Variants in ARNT2 observed in about 807,000 individuals in gnomAD.
ARNT2 encodes the protein ARNT protein 2.
Under a neutral mutation model 91.7 loss-of-function variants are expected in ARNT2, and 36 were observed. The observed-to-expected ratio is 0.39, with a 90% CI of 0.30 to 0.52. The LOEUF (loss-of-function observed/expected upper bound fraction) is 0.52, where lower values mean the gene tolerates loss of function less well. ARNT2 is among the 20% of genes least tolerant of loss of function. The probability of loss-of-function intolerance (pLI) is 0.72; values close to 1 mark genes in which losing one functional copy is unlikely to be tolerated. For synonymous variants in ARNT2, 365 were observed against 347.1 expected (o/e 1.05, Z -0.57); for missense variants, 775 against 939.3 (o/e 0.83, Z 2.29).
rs150846443 is a variant in ARNT2 at position 80,459,138 on chromosome 15, C to T, written c.194+1162C>T. Among the ~76,000 whole-genome samples the T allele has an allele frequency of 3.2e-4, 48 of 152,336 alleles. No individual in the cohort carries two copies. In the East Asian group the frequency reaches 7.5e-3, roughly 24 times the overall value. On this transcript the variant is annotated intron_variant, in intron 3 of 18. Coordinates refer to ENST00000303329, the MANE Select transcript of ARNT2 (RefSeq NM_014862.4). ...AGAGTCTCCAAGTCCATAGTAAACT[C>T]GCATCATGCCATACACTTTCGTCCC...
chr15:80,455,062 G>T (rs889740272), intron 2 of ARNT2, among the ~76,000 whole-genome samples: 1 of 152,088 alleles, frequency 6.6e-6, no homozygotes, highest in Non-Finnish European at 1.5e-5. Flanking sequence ...ATAAAACAAA[G>T]GATGATTTAC....
rs990107224 is a variant in ARNT2 at position 80,580,683 on chromosome 15, C to A, written c.1752+134C>A. 7.5e-6 allele frequency: 9 copies of A among 1,204,200 alleles called. No individual in the cohort carries two copies. In the East Asian group the frequency reaches 2.0e-4, roughly 27 times the overall value. 74.6% of individuals were successfully genotyped at this position (1,204,200 alleles called of 1,614,324 possible). A position where few individuals can be genotyped will look rare whatever the true frequency, so the allele number is the denominator to read the frequency against. On this transcript the variant is annotated intron_variant, in intron 16 of 18. Transcript: ENST00000303329. ...AACCAACCACCCTAACAGCAGCTGGCTACTCAGGAGCACCATCCACCCTCA... is the reference window on the plus strand; with the variant it reads ...AACCAACCACCCTAACAGCAGCTGGATACTCAGGAGCACCATCCACCCTCA...
intron 2 of ARNT2, among the ~76,000 whole-genome samples, chr15:80,456,197 C>G (rs748542572): frequency 1.3e-5 from 2 of 152,136 alleles, no homozygotes; most frequent in African/African-American, 2.4e-5. Context: ...AGCTGCTGCC[C>G]GGTGCCTGGT....
chr15:80,469,743 T>G (rs1896707266), intron 3 of ARNT2, among the ~76,000 whole-genome samples: 2 of 152,154 alleles, frequency 1.3e-5, no homozygotes. Context: ...GCCTCCCAAG[T>G]AGCTGGGATT....
intron 18 of ARNT2, 74 bp from the exon 19 acceptor site, chr15:80,593,526 G>A (rs767332545): frequency 2.2e-4 from 271 of 1,252,542 alleles, no homozygotes; most frequent in Non-Finnish European, 2.9e-4. Context: ...GTGCAGACTG[G>A]GCTCCTGGGA....
At position 80,514,363 on chromosome 15, in the gene ARNT2, G is replaced by T; in HGVS notation, c.835G>T (p.Val279Leu). 6.2e-7 allele frequency: 1 copy of T among 1,614,192 alleles called. No homozygotes were observed. The highest frequency in any genetic ancestry group is 8.5e-7 in the Non-Finnish European group (1 of 1,180,034). ...GAAAGAAGGAGAAGCCCAATATGCT[G>T]TGGTCCACTGTACAGGATACATCAA... ...PVKEGEAQYA[V>L]VHCTGYIKAW... Residue 279 changes from valine (V) to leucine (L), a missense_variant, in exon 8 of 19, where the codon GTG (valine) becomes TTG (leucine). By Grantham distance (32) the Val-to-Leu change is conservative (BLOSUM62 1). Around this residue, in one of 5 missense-constraint regions of ARNT2, gnomAD observed 285 missense variants for 327.2 expected, o/e 0.87. Transcript: ENST00000303329.
In ARNT2 at chr15:80,475,221, C is replaced by A; in HGVS notation, c.620C>A (p.Thr207Lys). ...EQLCTSENSMTGRILDLKTGT... is the reference protein window; with the variant it reads ...EQLCTSENSMKGRILDLKTGT... ...CTGTGCACCTCAGAAAACTCAATGA[C>A]AGGTCAGTGGAGCTCCCTTTATGAG... The change falls in exon 5 of 19, where the codon ACA becomes AAA. Residue 207 changes from threonine to lysine, a missense_variant and splice_region_variant. Physicochemically the swap from Thr to Lys is moderately conservative, Grantham distance 78. Around this residue, in one of 5 missense-constraint regions of ARNT2, gnomAD observed 285 missense variants for 327.2 expected, o/e 0.87. Coordinates refer to ENST00000303329, the MANE Select transcript of ARNT2 (RefSeq NM_014862.4). The A allele has an allele frequency of 6.2e-7, 1 of 1,613,850 alleles. No homozygotes were observed. Among genetic ancestry groups the A allele is most frequent in the Non-Finnish European group, 8.5e-7 (1 of 1,180,004 alleles).
chr15:80,554,325 C>T (rs1250707343), intron 10 of ARNT2, among the ~76,000 whole-genome samples: 4 of 152,156 alleles, frequency 2.6e-5, no homozygotes, highest in Non-Finnish European at 4.4e-5. Flanking sequence ...AGGAGAATTG[C>T]TTGAACCCAG....
intron 17 of ARNT2, among the ~76,000 whole-genome samples, chr15:80,585,820 G>A (rs1323857362): frequency 1.1e-4 from 16 of 152,312 alleles, no homozygotes; most frequent in African/African-American, 3.1e-4. Context: ...TGCACACTGC[G>A]TTAGACACAC....
intron 8 of ARNT2, among the ~76,000 whole-genome samples, chr15:80,517,588 A>G (rs1897459616): frequency 6.8e-6 from 1 of 147,054 alleles, no homozygotes; most frequent in Non-Finnish European, 1.5e-5. Context: ...AATTACACAG[A>G]TATATCTTTT....
chr15:80,452,156 A>G (rs1326923297), intron 2 of ARNT2, among the ~76,000 whole-genome samples: 3 of 152,154 alleles, frequency 2.0e-5, no homozygotes, highest in Non-Finnish European at 4.4e-5. Context: ...AAAGACTGTT[A>G]TGTGTGTTGT....
intron 12 of ARNT2, among the ~76,000 whole-genome samples, chr15:80,568,121 T>A (rs7403201): frequency 0.84 from 127,522 of 152,156 alleles, 53,661 homozygotes; most frequent in East Asian, 0.98. Flanking sequence ...TCATCCTTGC[T>A]TTTTTTCCTG....
In ARNT2 at chr15:80,591,876, G is replaced by T. The variant is rs546444272; in HGVS notation, c.2055+172G>T. The T allele has an allele frequency of 6.3e-6, 4 of 639,756 alleles. No individual in the cohort carries two copies. Among genetic ancestry groups the T allele is most frequent in the Non-Finnish European group, 7.8e-6 (4 of 514,158 alleles). 39.6% of individuals were successfully genotyped at this position (639,756 alleles called of 1,614,324 possible). A position where few individuals can be genotyped will look rare whatever the true frequency, so the allele number is the denominator to read the frequency against. ...AGCCCCATCCTACCCAGCCAGAAAC[G>T]TCAGGTGCATGTGGGAAGGAGAAGG... On this transcript the variant is annotated intron_variant, in intron 18 of 18. Coordinates refer to ENST00000303329, the MANE Select transcript of ARNT2 (RefSeq NM_014862.4). This position sits in a 1 kb window ranked among gnomAD's most constrained non-coding sequence, Gnocchi z 5.1.
chr15:80,450,680 G>C (rs1896375039), intron 1 of ARNT2, among the ~76,000 whole-genome samples, 200 bp from the exon 2 acceptor site: 2 of 152,222 alleles, frequency 1.3e-5, no homozygotes, highest in African/African-American at 4.8e-5. Flanking sequence ...AAATATGAGA[G>C]TACTGCCAGA....
intron 2 of ARNT2, among the ~76,000 whole-genome samples, chr15:80,452,920 G>A (rs1896422132): frequency 6.6e-6 from 1 of 152,206 alleles, no homozygotes; most frequent in South Asian, 2.1e-4. Flanking sequence ...TGATTTGACT[G>A]GGGACCCAGT....
intron 3 of ARNT2, 122 bp from the exon 4 acceptor site, chr15:80,470,096 G>A (rs929934903): frequency 1.0e-6 from 1 of 998,632 alleles, no homozygotes; most frequent in Non-Finnish European, 1.5e-6. Flanking sequence ...GCACTCAGCT[G>A]TTAGGTGTTA....
chr15:80,454,510 G>A (rs1225267363), intron 2 of ARNT2, among the ~76,000 whole-genome samples: 2 of 152,216 alleles, frequency 1.3e-5, no homozygotes, highest in East Asian at 1.9e-4. Context: ...AACCCTGGGA[G>A]CTGCTGGAAT....
chr15:80,407,883 A>G (rs1180895029), intron 1 of ARNT2, among the ~76,000 whole-genome samples: 2 of 152,238 alleles, frequency 1.3e-5, no homozygotes, highest in Non-Finnish European at 2.9e-5. Flanking sequence ...TTCCATCTTA[A>G]TCTTTTGTAA....
At chr15:80,488,799 G>A (rs548702605) in intron 5 of ARNT2, 4 of 151,966 alleles carry the variant, frequency 2.6e-5, no homozygotes, top group East Asian at 1.9e-4. Flanking sequence ...TACTACCACC[G>A]AAAACCAAAA....
Sources: allele counts gnomAD v4.1 joint callset (sites outside exome capture counted in the v4.1 genomes callset), GRCh38; gene constraint gnomAD v4.1.1; regional missense constraint gnomAD v4.1.1; non-coding constraint Gnocchi (gnomAD v3.1); transcripts MANE v1.5; gene names NCBI Gene and HGNC (gene_info 2026-07-23, HGNC 2026-07-21).